DIAPH2: variants seen among roughly 807,000 people sequenced by gnomAD.
The protein encoded by DIAPH2 is protein diaphanous homolog 2.
A neutral mutation model predicts 92.7 loss-of-function variants in DIAPH2; 35 were observed. The ratio of observed to expected loss-of-function variants is 0.38; its 90% CI spans 0.29 to 0.50. DIAPH2 has a LOEUF of 0.50. DIAPH2 is among the 20% of genes least tolerant of loss of function. DIAPH2 has a pLI of 0.94. For synonymous variants in DIAPH2, 301 were observed against 280.4 expected (o/e 1.07, Z -0.73); for missense variants, 701 against 819.5 (o/e 0.86, Z 1.77).
chrX:97,336,243 C>CTTTT (rs1186112131), intron 23 of DIAPH2, among the ~76,000 whole-genome samples: 22 of 91,719 alleles, frequency 2.4e-4, no homozygotes, highest in East Asian at 6.7e-4. Flanking sequence ...CTTTTCTTTT[C>CTTTT]TTTTTTTTTT....
intron 26 of DIAPH2, among the ~76,000 whole-genome samples, chrX:97,507,746 A>G (rs2070847389): frequency 8.9e-6 from 1 of 111,936 alleles, no homozygotes; most frequent in Non-Finnish European, 1.9e-5. Context: ...CATTAGACTC[A>G]GAGTTGACTA....
intron 17 of DIAPH2, among the ~76,000 whole-genome samples, chrX:97,044,293 C>G (rs1442016984): frequency 9.0e-6 from 1 of 110,944 alleles, no homozygotes; most frequent in Non-Finnish European, 1.9e-5. Flanking sequence ...ATATTGTAAA[C>G]TATCAGGTAT....
intron 22 of DIAPH2, among the ~76,000 whole-genome samples, chrX:97,157,516 A>G (rs993794151): frequency 9.0e-6 from 1 of 110,886 alleles, no homozygotes; most frequent in African/African-American, 3.3e-5. Flanking sequence ...AAACCCTTGT[A>G]GCAAAGCACA....
intron 4 of DIAPH2, among the ~76,000 whole-genome samples, chrX:96,829,042 AT>A (rs1432949434): frequency 8.9e-6 from 1 of 112,368 alleles, no homozygotes; most frequent in Non-Finnish European, 1.9e-5. Context: ...ACAAGTACTT[AT>A]TTCCTTAACT....
chrX:96,906,616 A>G (rs181618865), intron 5 of DIAPH2, among the ~76,000 whole-genome samples: 211 of 112,083 alleles, frequency 1.9e-3, no homozygotes, highest in African/African-American at 6.4e-3. Context: ...TATATTATCA[A>G]AAGTAACACA....
At chrX:97,552,031 G>A (rs1456330938) in intron 26 of DIAPH2, among the ~76,000 whole-genome samples, 1 of 111,767 alleles carries the variant, frequency 8.9e-6, no homozygotes, top group Non-Finnish European at 1.9e-5. Flanking sequence ...ATTCTAGCTG[G>A]TAACTGTGTG....
intron 17 of DIAPH2, among the ~76,000 whole-genome samples, chrX:97,050,435 G>T (rs754108839): frequency 9.3e-6 from 1 of 108,072 alleles, no homozygotes; most frequent in Non-Finnish European, 1.9e-5. Flanking sequence ...TATATTAAAA[G>T]AATTTATTTT....
At chrX:97,499,155 G>C (rs2070778801) in intron 26 of DIAPH2, among the ~76,000 whole-genome samples, 1 of 112,110 alleles carries the variant, frequency 8.9e-6, no homozygotes, top group Non-Finnish European at 1.9e-5. Context: ...GGGAATTTCT[G>C]TTTCTCTTAA....
intron 25 of DIAPH2, among the ~76,000 whole-genome samples, chrX:97,408,321 A>T (rs2069831008): frequency 9.0e-6 from 1 of 111,402 alleles, no homozygotes; most frequent in Non-Finnish European, 1.9e-5. Flanking sequence ...TGAAACACCA[A>T]AAGGCAATAC....
intron 22 of DIAPH2, among the ~76,000 whole-genome samples, chrX:97,207,241 GT>G (rs1450957765): frequency 8.9e-6 from 1 of 112,007 alleles, no homozygotes; most frequent in African/African-American, 3.2e-5. Context: ...AATGTTACCA[GT>G]CGTATAGCTT....
intron 23 of DIAPH2, among the ~76,000 whole-genome samples, chrX:97,276,976 C>G (rs907000271): frequency 8.0e-5 from 9 of 112,332 alleles, no homozygotes; most frequent in Non-Finnish European, 1.7e-4. Flanking sequence ...ACTGTTTCTG[C>G]TAGTCAATGT....
intron 17 of DIAPH2, among the ~76,000 whole-genome samples, chrX:97,010,917 A>G (rs1182579209): frequency 9.0e-6 from 1 of 111,086 alleles, no homozygotes; most frequent in Non-Finnish European, 1.9e-5. Flanking sequence ...AGTCTGTTCT[A>G]CACAAATGTG....
intron 22 of DIAPH2, among the ~76,000 whole-genome samples, chrX:97,146,747 C>T (rs900400732): frequency 9.0e-6 from 1 of 111,594 alleles, no homozygotes; most frequent in African/African-American, 3.2e-5. Flanking sequence ...TTTTTCTAGA[C>T]CTCTGTAGCT....
intron 22 of DIAPH2, among the ~76,000 whole-genome samples, chrX:97,190,833 CAAAAA>C (rs34703572): frequency 1.1e-4 from 8 of 72,830 alleles, no homozygotes; most frequent in Non-Finnish European, 1.3e-4. Context: ...GACTCCATTT[CAAAAA>C]AAAAAAAAAA....
chrX:97,193,012 C>CTTTTTT (rs373054114), intron 22 of DIAPH2, among the ~76,000 whole-genome samples: 19 of 86,580 alleles, frequency 2.2e-4, no homozygotes, highest in East Asian at 3.3e-4. Context: ...TTTTTCTTTT[C>CTTTTTT]TTTTTTTTTT....
intron 1 of DIAPH2, among the ~76,000 whole-genome samples, chrX:96,719,376 G>T (rs1273025987): frequency 8.9e-6 from 1 of 112,045 alleles, no homozygotes; most frequent in Non-Finnish European, 1.9e-5. Flanking sequence ...ATGTCCTAGA[G>T]GACCTTCCCC....
intron 22 of DIAPH2, among the ~76,000 whole-genome samples, chrX:97,147,787 T>C (rs2067257490): frequency 9.0e-6 from 1 of 111,461 alleles, no homozygotes; most frequent in African/African-American, 3.3e-5. Context: ...ATTATAATTT[T>C]AACAATCAAC....
At chrX:97,039,298 G>A (rs1411289572) in intron 17 of DIAPH2, among the ~76,000 whole-genome samples, 1 of 110,731 alleles carries the variant, frequency 9.0e-6, no homozygotes, top group Non-Finnish European at 1.9e-5. Context: ...ATATTTATAT[G>A]TTTATATTAA....
chrX:97,354,403 T>A lies in DIAPH2; in HGVS notation c.3009+6123T>A, dbSNP rs1288200951. Among the ~76,000 whole-genome samples the A allele has an allele frequency of 3.6e-5, 4 of 111,811 alleles. No individual in the cohort carries two copies. The East Asian group carries it at 1.1e-3, about 31-fold the overall frequency. On this transcript the variant is annotated intron_variant, in intron 24 of 26. Transcript: ENST00000324765. ...TGAGCTTTTTTTTGAGATGGAGTCTTGCTCTGTCGCCCAGGCTGGAGTACA... is the reference window on the plus strand; with the variant it reads ...TGAGCTTTTTTTTGAGATGGAGTCTAGCTCTGTCGCCCAGGCTGGAGTACA...
Sources: allele counts gnomAD v4.1 joint callset (sites outside exome capture counted in the v4.1 genomes callset), GRCh38; gene constraint gnomAD v4.1.1; transcripts MANE v1.5; gene names NCBI Gene and HGNC (gene_info 2026-07-23, HGNC 2026-07-21).